The following KIF22 variants were observed in gnomAD, a reference collection of about 807,000 sequenced individuals.
KIF22 encodes kinesin-like protein KIF22.
Under a neutral mutation model 73.0 loss-of-function variants are expected in KIF22, and 62 were observed. The ratio of observed to expected loss-of-function variants is 0.85; its 90% CI spans 0.69 to 1.05. The LOEUF is 1.05. Ranked by LOEUF, KIF22 falls within the 50% of genes least tolerant of loss-of-function variation. The probability of loss-of-function intolerance (pLI) is 0.00; values close to 1 mark genes in which losing one functional copy is unlikely to be tolerated. For synonymous variants in KIF22, 411 were observed against 340.1 expected (o/e 1.21, Z -2.29); for missense variants, 854 against 870.1 (o/e 0.98, Z 0.23).
intron 1 of KIF22, among the ~76,000 whole-genome samples, chr16:29,796,527 AG>A (rs1204106314): frequency 2.7e-5 from 4 of 150,484 alleles, no homozygotes; most frequent in Non-Finnish European, 5.9e-5. Context: ...TGGGTAACCT[AG>A]TGAGACTCCA....
Position 29,798,593 on chromosome 16 carries a change from G to C in KIF22, c.395G>C (p.Gly132Ala). 1 of 1,613,922 alleles carries C rather than the reference G, an allele frequency of 6.2e-7. No homozygotes were observed. The highest frequency in any genetic ancestry group is 1.1e-5 in the South Asian group (1 of 91,080). ...SVLAYGPTGAGKTHTMLGSPE... is the reference protein window; with the variant it reads ...SVLAYGPTGAAKTHTMLGSPE... ...ACAGTTTTCTCCACTCTCTTCCCAG[G>C]GAAGACGCACACAATGCTGGGCAGC... Residue 132 changes from glycine to alanine, a missense_variant and splice_region_variant, in exon 4 of 14, where the codon GGG (glycine) becomes GCG (alanine). Around this residue, in one of 3 missense-constraint regions of KIF22, gnomAD observed 245 missense variants for 351.8 expected, o/e 0.70. Transcript: ENST00000160827. The surrounding 1 kb of genome is among the most constrained non-coding windows in gnomAD (Gnocchi z 4.1).
At position 29,799,158 on chromosome 16, in the gene KIF22, C is replaced by T. The variant is rs1399211102; in HGVS notation, c.733C>T (p.Arg245Cys). 11 of 1,613,968 alleles carry T rather than the reference C, an allele frequency of 6.8e-6. No homozygotes were observed. Among genetic ancestry groups the T allele is most frequent in the Non-Finnish European group, 9.3e-6 (11 of 1,179,958 alleles). The change falls in exon 5 of 14, where the codon CGC becomes TGC. Residue 245 changes from arginine to cysteine, a missense_variant. Physicochemically the swap from Arg to Cys is radical, Grantham distance 180. Around this residue, in one of 3 missense-constraint regions of KIF22, gnomAD observed 245 missense variants for 351.8 expected, o/e 0.70. Transcript: ENST00000160827. ...CACCCGGCTCAACCAGCGCTCCTCC[C>T]GCAGTCATGCTGTGCTCCTGGTCAA... ...GATRLNQRSS[R>C]SHAVLLVKVD...
chr16:29,802,654 A>G (rs1596854003), intron 8 of KIF22, 115 bp from the exon 9 acceptor site: 1 of 995,952 alleles, frequency 1.0e-6, no homozygotes, highest in East Asian at 2.9e-5. Flanking sequence ...GCAAGTTAAC[A>G]TTAGGTTCTG....
Position 29,799,717 on chromosome 16 carries a change from C to G in KIF22, c.1080C>G (p.Asn360Lys), listed in dbSNP as rs746702908. The change falls in exon 7 of 14, where the codon AAC (asparagine) becomes AAG (lysine). Residue 360 changes from asparagine (N) to lysine (K), a missense_variant. By Grantham distance (94) the Asn-to-Lys change is moderately conservative. This residue lies in a region of KIF22 where 245 missense variants were observed against 351.8 expected (regional missense o/e 0.70). Transcript: ENST00000160827. ...RFYLDTVSAL[N>K]FAARSKEVIN... ...ACCTAGACACAGTCTCCGCACTCAA[C>G]TTTGCTGCCAGGTCCAAGGAGGTGA... 1 of 1,613,568 alleles carries G rather than the reference C, an allele frequency of 6.2e-7. No homozygotes were observed. Among genetic ancestry groups the G allele is most frequent in the African/African-American group, 1.3e-5 (1 of 74,908 alleles).
chr16:29,804,948 C>T lies in KIF22; in HGVS notation c.1812C>T (p.Leu604=). The T allele has an allele frequency of 3.1e-6, 5 of 1,609,970 alleles. No homozygotes were observed. Among genetic ancestry groups the T allele is most frequent in the Middle Eastern group, 3.3e-4 (2 of 6,052 alleles). Residue 604 remains leucine, a synonymous_variant, in exon 12 of 14, where the codon CTC becomes CTT. Transcript: ENST00000160827. ...TGAACGAAGGCTCAGCCCGAGATCT[C>T]CGCAGTCTTCAGCGCATTGGCCCGA... is the stretch of plus-strand genomic sequence containing the variant. ...DLLNEGSARD[L]RSLQRIGPKK...
intron 1 of KIF22, chr16:29,792,364 G>C: frequency 2.1e-6 from 2 of 968,384 alleles, no homozygotes; most frequent in Non-Finnish European, 2.5e-6. Context: ...TCCTACCCTG[G>C]ACTGTGAGCC....
chr16:29,804,115 G>A (rs1310237184), intron 11 of KIF22, 50 bp downstream of exon 11: 4 of 1,464,992 alleles, frequency 2.7e-6, no homozygotes, highest in South Asian at 1.1e-5. Flanking sequence ...GAAGTAAGGG[G>A]GAGTAGGCTC....
At chr16:29,795,588 G>A (rs1280326667) in intron 1 of KIF22, among the ~76,000 whole-genome samples, 7 of 152,124 alleles carry the variant, frequency 4.6e-5, no homozygotes. Context: ...TTTTTAGAGG[G>A]GAAGAGATCT....
At chr16:29,804,702 A>G in intron 11 of KIF22, 112 bp from the exon 12 acceptor site, 2 of 833,272 alleles carry the variant, frequency 2.4e-6, no homozygotes, top group Non-Finnish European at 4.0e-6. Context: ...ACTTGACAAG[A>G]GAGGAAGAGG....
Position 29,796,961 on chromosome 16 carries a change from G to A in KIF22, c.139G>A (p.Ala47Thr). ...TCCACCTCCAGCTCGCGTAAGGGTGGCTGTGCGACTGCGGCCATTTGTGGA... is the reference window on the plus strand; with the variant it reads ...TCCACCTCCAGCTCGCGTAAGGGTGACTGTGCGACTGCGGCCATTTGTGGA... ...RRPPPARVRV[A>T]VRLRPFVDGT... The change falls in exon 2 of 14, where the codon GCT (alanine) becomes ACT (threonine). Residue 47 changes from alanine (A) to threonine (T), a missense_variant. Transcript: ENST00000160827. 7 of 1,614,164 alleles carry A rather than the reference G, an allele frequency of 4.3e-6. No homozygotes were observed. The highest frequency in any genetic ancestry group is 5.1e-6 in the Non-Finnish European group (6 of 1,180,016).
In KIF22 at chr16:29,797,000, G is replaced by T; in HGVS notation, c.178G>T (p.Ala60Ser). 1 of 1,614,088 alleles carries T rather than the reference G, an allele frequency of 6.2e-7. No homozygotes were observed. The highest frequency in any genetic ancestry group is 8.5e-7 in the Non-Finnish European group (1 of 1,179,962). Reference protein sequence around the residue: ...LRPFVDGTAGASDPPCVRGMD... With the variant: ...LRPFVDGTAGSSDPPCVRGMD... The stretch of plus-strand genomic sequence containing the variant: ...GCCATTTGTGGATGGAACAGCGGGA[G>T]CAAGTGATCCCCCCTGTGTGCGGGG... The change falls in exon 2 of 14, where the codon GCA becomes TCA. Residue 60 changes from alanine to serine, a missense_variant. Coordinates refer to ENST00000160827, the MANE Select transcript of KIF22 (RefSeq NM_007317.3).
At position 29,804,540 on chromosome 16, in the gene KIF22, G is replaced by A. The variant is rs1370273005; in HGVS notation, c.1678-274G>A. 8.9e-6 allele frequency: 6 copies of A among 671,512 alleles called. No homozygotes were observed. The African/African-American group carries it at 1.1e-4, about 12-fold the overall frequency. 41.6% of individuals were successfully genotyped at this position (671,512 alleles called of 1,614,324 possible). On this transcript the variant is annotated intron_variant, in intron 11 of 13. Transcript: ENST00000160827. ...GGGACCAGATTTAAGAGCTTATTTT[G>A]TGCTTTACATTCATTAACTCACTTG...
At chr16:29,796,012 T>C (rs943745811) in intron 1 of KIF22, among the ~76,000 whole-genome samples, 1 of 152,040 alleles carries the variant, frequency 6.6e-6, no homozygotes, top group African/African-American at 2.4e-5. Context: ...GGCTCACACC[T>C]ATAATCCTAG....
chr16:29,795,640 A>G (rs1437418391), intron 1 of KIF22, among the ~76,000 whole-genome samples: 1 of 152,172 alleles, frequency 6.6e-6, no homozygotes, highest in African/African-American at 2.4e-5. Flanking sequence ...TTATCCTCCA[A>G]CGTAAAATAG....
intron 1 of KIF22, chr16:29,792,460 T>C (rs1567355553): frequency 1.0e-6 from 1 of 953,264 alleles, no homozygotes; most frequent in Non-Finnish European, 1.2e-6. Flanking sequence ...TCTTAATTTT[T>C]TTCAGCAAAT....
chr16:29,790,827 C>T lies in KIF22; in HGVS notation c.68C>T (p.Ser23Leu). ...GCGGCAGCTTCAGCGGCGGCGATCT[C>T]AGGTACTTGAGCCCGGCCTGGGCAA... is the stretch of plus-strand genomic sequence containing the variant. ...EMAAASAAAISGAGRCRLSKI... is the reference protein window; with the variant it reads ...EMAAASAAAILGAGRCRLSKI... The change falls in exon 1 of 14, where the codon TCA becomes TTA. Residue 23 changes from serine (S) to leucine (L), a missense_variant and splice_region_variant. Ser to Leu is a moderately radical substitution (Grantham distance 145). Transcript: ENST00000160827. 6.2e-7 allele frequency: 1 copy of T among 1,600,944 alleles called. No individual in the cohort carries two copies. The highest frequency in any genetic ancestry group is 8.5e-7 in the Non-Finnish European group (1 of 1,173,916).
chr16:29,805,248 C>G lies in KIF22; in HGVS notation c.1951-15C>G, dbSNP rs1360543661. On this transcript the variant is annotated splice_polypyrimidine_tract_variant and intron_variant, in intron 13 of 13. Transcript: ENST00000160827. ...CCTCTCTAACGTCGCTGTCTCCCTCCCTCCTGTGTTGCAGGCAAACATCCT... is the reference window on the plus strand; with the variant it reads ...CCTCTCTAACGTCGCTGTCTCCCTCGCTCCTGTGTTGCAGGCAAACATCCT... 3.1e-6 allele frequency: 5 copies of G among 1,613,968 alleles called. No individual in the cohort carries two copies. Among genetic ancestry groups the G allele is most frequent in the Non-Finnish European group, 4.2e-6 (5 of 1,180,044 alleles).
intron 11 of KIF22, 82 bp downstream of exon 11, chr16:29,804,147 T>A: frequency 8.4e-7 from 1 of 1,184,710 alleles, no homozygotes; most frequent in Non-Finnish European, 1.3e-6. Flanking sequence ...GCGTTGGCCT[T>A]GGGGTTAAAC....
chr16:29,800,629 G>A (rs1899104627), intron 8 of KIF22, among the ~76,000 whole-genome samples: 3 of 152,156 alleles, frequency 2.0e-5, no homozygotes, highest in African/African-American at 2.4e-5. Context: ...GCCAGGCATG[G>A]TAGTGGGCAC....
Sources: allele counts gnomAD v4.1 joint callset (sites outside exome capture counted in the v4.1 genomes callset), GRCh38; gene constraint gnomAD v4.1.1; regional missense constraint gnomAD v4.1.1; non-coding constraint Gnocchi (gnomAD v3.1); transcripts MANE v1.5; gene names NCBI Gene and HGNC (gene_info 2026-07-23, HGNC 2026-07-21).